The following DCHS1 variants were observed in gnomAD, a reference collection of about 807,000 sequenced individuals.
DCHS1 encodes the protein dachsous cadherin-related 1, also known as protocadherin-16.
Under a neutral mutation model 213.9 loss-of-function variants are expected in DCHS1, and 78 were observed. That is an observed-to-expected ratio of 0.36 (90% confidence interval 0.30 to 0.44). The LOEUF is 0.44. Ranked by LOEUF, DCHS1 falls within the 20% of genes least tolerant of loss-of-function variation. The pLI, the probability that DCHS1 is intolerant of heterozygous loss-of-function variation, is 1.00. For missense variants in DCHS1, 3,946 were observed against 4,395.9 expected (o/e 0.90, Z 2.89); for synonymous variants, 1,828 against 1,873.7 (o/e 0.98, Z 0.63).
chr11:6,633,703 G>A, intron 4 of DCHS1, 55 bp from the exon 5 acceptor site: 2 of 1,605,356 alleles, frequency 1.2e-6, no homozygotes, highest in South Asian at 1.1e-5. Context: ...GGGCTAGAAA[G>A]GTTATGGAGG....
Position 6,623,827 on chromosome 11 carries a change from C to A in DCHS1, c.7849G>T (p.Val2617Phe). 6.2e-7 allele frequency: 1 copy of A among 1,613,584 alleles called. No individual in the cohort carries two copies. The highest frequency in any genetic ancestry group is 8.5e-7 in the Non-Finnish European group (1 of 1,179,498). ...TCTACATGCAGCAGCTCAGCTCCAA[C>A]AGGTGTGTCCTCAGGTACTGTCACA... ...YRVTVPEDTP[V>F]GAELLHVEAS... The change falls in exon 21 of 21, where the codon GTT (valine) becomes TTT (phenylalanine). Residue 2617 changes from valine (V) to phenylalanine (F), a missense_variant. Val to Phe is a conservative substitution (Grantham distance 50). Transcript: ENST00000299441.
At chr11:6,639,043 A>C in intron 2 of DCHS1, among the ~76,000 whole-genome samples, 1 of 151,884 alleles carries the variant, frequency 6.6e-6, no homozygotes, top group East Asian at 1.9e-4. Flanking sequence ...CCCAGGAGGC[A>C]GACTTGCAGT....
At position 6,625,700 on chromosome 11, in the gene DCHS1, C is replaced by T; in HGVS notation, c.6759G>A (p.Gly2253=). The change falls in exon 18 of 21, where the codon GGG becomes GGA. Residue 2253 remains glycine (G), a synonymous_variant. Coordinates refer to ENST00000299441, the MANE Select transcript of DCHS1 (RefSeq NM_003737.4). The surrounding 1 kb of genome is among the most constrained non-coding windows in gnomAD (Gnocchi z 5.3). ...TRLVLMATDR[G]SPALVGSATL... is the part of the protein sequence containing the mutation. ...TAGCTGAGCCCACCAGGGCTGGGCT[C>T]CCTCTGTCTGTGGCCATCAGCACCA... The T allele has an allele frequency of 1.2e-6, 2 of 1,609,190 alleles. No individual in the cohort carries two copies. The highest frequency in any genetic ancestry group is 1.7e-6 in the Non-Finnish European group (2 of 1,178,090).
Position 6,626,346 on chromosome 11 carries a change from G to C in DCHS1, c.6399C>G (p.Asp2133Glu). Residue 2133 changes from aspartate (D) to glutamate (E), a missense_variant, in exon 16 of 21, where the codon GAC becomes GAG. Physicochemically the swap from Asp to Glu is conservative, Grantham distance 45. Coordinates refer to ENST00000299441, the MANE Select transcript of DCHS1 (RefSeq NM_003737.4). The surrounding 1 kb of genome is among the most constrained non-coding windows in gnomAD (Gnocchi z 5.2). ...GTCGCAGCCGTGGACTCACCTCGAAGTCTAGCCCCTCTGCTGAGCGAACTG... is the reference window on the plus strand; with the variant it reads ...GTCGCAGCCGTGGACTCACCTCGAACTCTAGCCCCTCTGCTGAGCGAACTG... ...AITVRSAEGL[D>E]FEVSPRLRLV... The C allele has an allele frequency of 6.2e-7, 1 of 1,613,652 alleles. No homozygotes were observed. The highest frequency in any genetic ancestry group is 8.5e-7 in the Non-Finnish European group (1 of 1,179,754).
At position 6,653,054 on chromosome 11, in the gene DCHS1, A is replaced by C. The variant is rs141128369; in HGVS notation, c.-121+2509T>G. Among the ~76,000 whole-genome samples, 549 of 152,244 alleles carry C rather than the reference A, an allele frequency of 3.6e-3. 2 individuals carry two copies. The highest frequency in any genetic ancestry group is 0.012 in the African/African-American group (506 of 41,534). ...CTGATCATATCGCTCCAAGCTTCCA[A>C]TGATTTGGTGACTCTCCATTATTCT... On this transcript the variant is annotated intron_variant, in intron 1 of 20. Transcript: ENST00000299441.
At chr11:6,642,264 G>A (rs570443339) in intron 1 of DCHS1, among the ~76,000 whole-genome samples, 1 of 152,250 alleles carries the variant, frequency 6.6e-6, no homozygotes, top group East Asian at 1.9e-4. Flanking sequence ...TTCAACAAGA[G>A]ATTGAGCACC....
rs775865828 is a variant in DCHS1, at chr11:6,623,635, C to G, written c.8041G>C (p.Asp2681His). ...ARHQLVVQAADPAGAHFALAP... is the reference protein window; with the variant it reads ...ARHQLVVQAAHPAGAHFALAP... ...AAAGCAAAGTGTGCACCAGCAGGGTCAGCAGCCTGTACTACAAGCTGATGT... is the reference window on the plus strand; with the variant it reads ...AAAGCAAAGTGTGCACCAGCAGGGTGAGCAGCCTGTACTACAAGCTGATGT... The change falls in exon 21 of 21, where the codon GAC (aspartate) becomes CAC (histidine). Residue 2681 changes from aspartate to histidine, a missense_variant. Asp to His is a moderately conservative substitution (Grantham distance 81). Around this residue, in one of 3 missense-constraint regions of DCHS1, gnomAD observed 3,384 missense variants for 3,780.1 expected, o/e 0.90. Coordinates refer to ENST00000299441, the MANE Select transcript of DCHS1 (RefSeq NM_003737.4). The G allele has an allele frequency of 2.5e-6, 4 of 1,613,814 alleles. No homozygotes were observed. In the South Asian group the frequency reaches 3.3e-5, roughly 13 times the overall value.
chr11:6,621,536 C>A lies in DCHS1; in HGVS notation c.*243G>T. On this transcript the variant is annotated 3_prime_UTR_variant, in exon 21 of 21. Transcript: ENST00000299441. Reference sequence around the variant, plus strand: ...GCAGGGATCCCTCACTGAGGAGAACCCAGGGCTGCTACCTCCTTCATATTT... The same window carrying A: ...GCAGGGATCCCTCACTGAGGAGAACACAGGGCTGCTACCTCCTTCATATTT... 1 of 657,238 alleles carries A rather than the reference C, an allele frequency of 1.5e-6. No individual in the cohort carries two copies. Among genetic ancestry groups the A allele is most frequent in the Non-Finnish European group, 2.8e-6 (1 of 357,810 alleles). The allele number at this position is 657,238 out of a possible 1,614,324, so 40.7% of individuals were successfully genotyped here.
chr11:6,624,581 G>A (rs1002097659), intron 20 of DCHS1, 149 bp downstream of exon 20: 2 of 1,354,770 alleles, frequency 1.5e-6, no homozygotes, highest in African/African-American at 2.9e-5. Flanking sequence ...AGTCAACAAG[G>A]GGCTTATAAT....
At chr11:6,633,079 C>A (rs376715478) in intron 5 of DCHS1, 23 bp from the exon 6 acceptor site, 3 of 1,574,926 alleles carry the variant, frequency 1.9e-6, no homozygotes, top group Non-Finnish European at 2.6e-6. Context: ...AAAAAGGGAT[C>A]AGGAAAGAGA....
Position 6,622,289 on chromosome 11 carries a change from G to T in DCHS1, c.9387C>A (p.Pro3129=). The change falls in exon 21 of 21, where the codon CCC becomes CCA. Residue 3129 remains proline (P), a synonymous_variant. Transcript: ENST00000299441. This position sits in a 1 kb window ranked among gnomAD's most constrained non-coding sequence, Gnocchi z 5.4. The part of the protein sequence containing the change: ...FLGGCGLSPA[P]TGDYGFPADG... ...CTGCTGGGAAGCCATAGTCCCCAGT[G>T]GGTGCAGGGCTCAGGCCACAGCCCC... The T allele has an allele frequency of 6.2e-7, 1 of 1,607,258 alleles. No individual in the cohort carries two copies. Among genetic ancestry groups the T allele is most frequent in the Non-Finnish European group, 8.5e-7 (1 of 1,177,354 alleles).
Position 6,623,272 on chromosome 11 carries a change from G to A in DCHS1, c.8404C>T (p.Leu2802=), listed in dbSNP as rs138806709. ...NLSASVTVSV[L]VTGEDEYDPV... is the part of the protein sequence containing the mutation. The stretch of plus-strand genomic sequence containing the variant: ...TCATACTCATCCTCTCCAGTCACTA[G>A]CACCGACACAGTGACAGAGGCTGAG... The change falls in exon 21 of 21, where the codon CTA becomes TTA. Residue 2802 remains leucine (L), a synonymous_variant. Transcript: ENST00000299441. 973 of 1,589,866 alleles carry A rather than the reference G, an allele frequency of 6.1e-4. 4 individuals are homozygous for A. The African/African-American group carries it at 0.011, about 18-fold the overall frequency.
In DCHS1 at chr11:6,623,718, T is replaced by C; in HGVS notation, c.7958A>G (p.Asp2653Gly). 1 of 1,613,850 alleles carries C rather than the reference T, an allele frequency of 6.2e-7. No individual in the cohort carries two copies. Among genetic ancestry groups the C allele is most frequent in the Non-Finnish European group, 8.5e-7 (1 of 1,179,902 alleles). ...SGDPSGLFEL[D>G]ESSGTLRLAH... ...CAGTCGCAAGGTGCCTGAGCTCTCA[T>C]CCAGCTCAAAGAGCCCTGATGGGTC... The change falls in exon 21 of 21, where the codon GAT (aspartate) becomes GGT (glycine). Residue 2653 changes from aspartate to glycine, a missense_variant. By Grantham distance (94) the Asp-to-Gly change is moderately conservative. This residue lies in a region of DCHS1 where 3,384 missense variants were observed against 3,780.1 expected (regional missense o/e 0.90). Coordinates refer to ENST00000299441, the MANE Select transcript of DCHS1 (RefSeq NM_003737.4).
intron 2 of DCHS1, 30 bp downstream of exon 2, chr11:6,639,787 A>G (rs971879379): frequency 6.5e-7 from 1 of 1,540,262 alleles, no homozygotes; most frequent in Non-Finnish European, 8.8e-7. Context: ...TTCCCCCAAC[A>G]CTATCTTGCT....
In DCHS1 at chr11:6,622,667, A is replaced by G. The variant is rs1451486463; in HGVS notation, c.9009T>C (p.Tyr3003=). 2 of 1,594,702 alleles carry G rather than the reference A, an allele frequency of 1.3e-6. No individual in the cohort carries two copies. The highest frequency in any genetic ancestry group is 1.7e-6 in the Non-Finnish European group (2 of 1,170,916). Residue 3003 remains tyrosine (Y), a synonymous_variant, in exon 21 of 21, where the codon TAT becomes TAC. Coordinates refer to ENST00000299441, the MANE Select transcript of DCHS1 (RefSeq NM_003737.4). The surrounding 1 kb of genome is among the most constrained non-coding windows in gnomAD (Gnocchi z 5.4). ...CACCATAGCTGGGAAGAGTCTGGTG[A>G]TAGAGGTGCTCAGAGGGTGGTGGAC... is the stretch of plus-strand genomic sequence containing the variant. ...PPSPPPSEHL[Y]HQTLPSYGGP... is the part of the protein sequence containing the mutation.
chr11:6,634,432 G>A, intron 2 of DCHS1, 126 bp from the exon 3 acceptor site: 1 of 1,104,372 alleles, frequency 9.1e-7, no homozygotes. Context: ...GGACTAGTAG[G>A]ACATGGGCCC....
In DCHS1 at chr11:6,632,097, G is replaced by A. The variant is rs757309797; in HGVS notation, c.3415C>T (p.Arg1139Cys). The change falls in exon 6 of 21, where the codon CGT (arginine) becomes TGT (cysteine). Residue 1139 changes from arginine (R) to cysteine (C), a missense_variant. By Grantham distance (180) the Arg-to-Cys change is radical. Coordinates refer to ENST00000299441, the MANE Select transcript of DCHS1 (RefSeq NM_003737.4). This position sits in a 1 kb window ranked among gnomAD's most constrained non-coding sequence, Gnocchi z 5.9. ...ATDRDSGPNG[R>C]LTYSLQQLSE... ...AGCTGTTGCAGGCTGTAGGTCAGAC[G>A]TCCATTGGGTCCTGAGTCTCGGTCA... 17 of 1,549,778 alleles carry A rather than the reference G, an allele frequency of 1.1e-5. No homozygotes were observed. The East Asian group carries it at 1.4e-4, about 12-fold the overall frequency.
At chr11:6,644,804 G>A (rs1298795281) in intron 1 of DCHS1, among the ~76,000 whole-genome samples, 5 of 152,196 alleles carry the variant, frequency 3.3e-5, no homozygotes, top group Non-Finnish European at 4.4e-5. Context: ...AAACACATGT[G>A]AGCCCAGGAC....
In DCHS1 at chr11:6,623,958, G is replaced by C. The variant is rs1341595168; in HGVS notation, c.7718C>G (p.Ala2573Gly). ...ESLTQYNLTV[A>G]AADRGQPPQS... ...GGGTGGCTGCCCACGGTCAGCTGCA[G>C]CCACTGTTAGATTGTACTGTGTCAG... Residue 2573 changes from alanine to glycine, a missense_variant, in exon 21 of 21, where the codon GCT becomes GGT. By Grantham distance (60) the Ala-to-Gly change is moderately conservative (BLOSUM62 0). Transcript: ENST00000299441. 6.2e-7 allele frequency: 1 copy of C among 1,607,692 alleles called. No homozygotes were observed.
Sources: allele counts gnomAD v4.1 joint callset (sites outside exome capture counted in the v4.1 genomes callset), GRCh38; gene constraint gnomAD v4.1.1; regional missense constraint gnomAD v4.1.1; non-coding constraint Gnocchi (gnomAD v3.1); transcripts MANE v1.5; gene names NCBI Gene and HGNC (gene_info 2026-07-23, HGNC 2026-07-21).